DYSF: variants seen among roughly 807,000 people sequenced by gnomAD.
DYSF encodes the protein dystrophy-associated fer-1-like 1.
DYSF carries 212 observed loss-of-function variants against 274.9 expected under a neutral mutation model. The ratio of observed to expected loss-of-function variants is 0.77; its 90% CI spans 0.69 to 0.86. The LOEUF (loss-of-function observed/expected upper bound fraction) is 0.86. Ranked by LOEUF, DYSF falls within the 40% of genes least tolerant of loss-of-function variation. The pLI is 0.00. For missense variants in DYSF, 2,666 were observed against 2,783.2 expected (o/e 0.96, Z 0.95); for synonymous variants, 1,091 against 1,078.7 (o/e 1.01, Z -0.22).
chr2:71,568,152 C>T lies in DYSF; in HGVS notation c.2698-20C>T, dbSNP rs1191656033. The T allele has an allele frequency of 3.1e-6, 5 of 1,614,252 alleles. No homozygotes were observed. The highest frequency in any genetic ancestry group is 3.4e-6 in the Non-Finnish European group (4 of 1,180,038). On this transcript the variant is annotated intron_variant, in intron 25 of 55. Transcript: ENST00000410020. ...CTGCCTTGGCCCCCTGCTCACGCCT[C>T]ATTCTTCCTGGCCCTCCAGTATGAG...
chr2:71,494,618 C>A (rs1218661333), intron 3 of DYSF, among the ~76,000 whole-genome samples: 1 of 152,212 alleles, frequency 6.6e-6, no homozygotes, highest in African/African-American at 2.4e-5. Context: ...CACAGTGGTG[C>A]TGGCATAACC....
chr2:71,554,428 C>T (rs1043961848), intron 21 of DYSF, among the ~76,000 whole-genome samples: 1 of 152,136 alleles, frequency 6.6e-6, no homozygotes, highest in African/African-American at 2.4e-5. Context: ...GTACAGGTGA[C>T]ATTCCAGGGG....
chr2:71,548,878 A>G (rs2090699119), intron 17 of DYSF, among the ~76,000 whole-genome samples: 1 of 152,188 alleles, frequency 6.6e-6, no homozygotes, highest in Non-Finnish European at 1.5e-5. Context: ...CCTGGTCCCA[A>G]GCACGACCTG....
At chr2:71,631,845 G>A (rs577822591) in intron 41 of DYSF, among the ~76,000 whole-genome samples, 1 of 151,976 alleles carries the variant, frequency 6.6e-6, no homozygotes, top group Admixed American at 6.5e-5. Flanking sequence ...CTCCTCCCTC[G>A]CTGCACACTG....
intron 3 of DYSF, among the ~76,000 whole-genome samples, chr2:71,489,366 G>T (rs2083623163): frequency 6.6e-6 from 1 of 152,204 alleles, no homozygotes; most frequent in Non-Finnish European, 1.5e-5. Flanking sequence ...GGAATCGGCG[G>T]GATGCTGCTT....
chr2:71,545,282 C>T (rs187534635), intron 17 of DYSF, among the ~76,000 whole-genome samples: 1 of 152,218 alleles, frequency 6.6e-6, no homozygotes, highest in Non-Finnish European at 1.5e-5. Context: ...TTCAAGTACA[C>T]GCAAAGGTAG....
chr2:71,530,487 G>T (rs2088560459), intron 14 of DYSF, among the ~76,000 whole-genome samples: 1 of 152,130 alleles, frequency 6.6e-6, no homozygotes, highest in Non-Finnish European at 1.5e-5. Flanking sequence ...ATTTCTTTAG[G>T]AAGGTACCAG....
At chr2:71,573,379 G>A (rs554797806) in intron 29 of DYSF, among the ~76,000 whole-genome samples, 23 of 152,320 alleles carry the variant, frequency 1.5e-4, no homozygotes, top group South Asian at 1.2e-3. Flanking sequence ...TGGCCTCCAG[G>A]ACTGGCCCTT....
chr2:71,620,822 A>AC (rs2094079269), intron 41 of DYSF, among the ~76,000 whole-genome samples: 1 of 151,980 alleles, frequency 6.6e-6, no homozygotes. Context: ...CCCCTAGGTT[A>AC]CTTCCTGGGA....
intron 3 of DYSF, among the ~76,000 whole-genome samples, chr2:71,493,400 A>G (rs2084051808): frequency 6.6e-6 from 1 of 152,172 alleles, no homozygotes; most frequent in Non-Finnish European, 1.5e-5. Flanking sequence ...ACAGTTTTGA[A>G]TAATATAGTA....
chr2:71,535,988 C>T (rs958283508), intron 16 of DYSF, among the ~76,000 whole-genome samples: 8 of 152,168 alleles, frequency 5.3e-5, no homozygotes, highest in Non-Finnish European at 8.8e-5. Context: ...GTGACCTGCC[C>T]GAGCTGACAG....
At chr2:71,647,796 A>T (rs1013977183) in intron 42 of DYSF, among the ~76,000 whole-genome samples, 1 of 152,244 alleles carries the variant, frequency 6.6e-6, no homozygotes, top group Non-Finnish European at 1.5e-5. Context: ...TATTCTCTTT[A>T]CTTTTGTGTG....
chr2:71,623,417 T>A (rs1228405943), intron 41 of DYSF, among the ~76,000 whole-genome samples: 1 of 148,772 alleles, frequency 6.7e-6, no homozygotes, highest in African/African-American at 2.5e-5. Context: ...TGAGCGAGAA[T>A]ATGCGGTGTT....
intron 16 of DYSF, 118 bp from the exon 17 acceptor site, chr2:71,539,039 G>T: frequency 1.2e-6 from 1 of 837,852 alleles, no homozygotes; most frequent in Non-Finnish European, 2.0e-6. Context: ...GACCAGAAGC[G>T]CTCTCTGCCT....
rs74263952 is a variant in DYSF at position 71,622,130 on chromosome 2, G to GTTTTTTTTTTTTTTTTTTT, written c.4527+1537_4527+1538insTTTTTTTTTTTTTTTTTTT. ...ATATGTCCATTCAGATGATTTCTTTGTTTTTTTTTTTTTTTTGTTACGCCC... is the reference window on the plus strand; with the variant it reads ...ATATGTCCATTCAGATGATTTCTTTGTTTTTTTTTTTTTTTTTTTTTTTTTTTTTTTTTTTGTTACGCCC... On this transcript the variant is annotated intron_variant, in intron 41 of 55. Coordinates refer to ENST00000410020, the MANE Select transcript of DYSF (RefSeq NM_001130987.2). 1.6e-3 allele frequency among the ~76,000 whole-genome samples: 152 copies of GTTTTTTTTTTTTTTTTTTT among 96,996 alleles called. 8 individuals carry two copies. Among genetic ancestry groups the GTTTTTTTTTTTTTTTTTTT allele is most frequent in the African/African-American group, 2.2e-3 (56 of 25,536 alleles). 63.6% of individuals were successfully genotyped at this position (96,996 alleles called of 152,430 possible).
At chr2:71,567,608 T>C (rs769261596) in intron 24 of DYSF, among the ~76,000 whole-genome samples, 3 of 152,188 alleles carry the variant, frequency 2.0e-5, no homozygotes, top group Non-Finnish European at 4.4e-5. Flanking sequence ...TGGCAAGCAC[T>C]GTTCCAGAAG....
chr2:71,601,453 C>T, intron 34 of DYSF, 46 bp from the exon 35 acceptor site: 1 of 1,613,714 alleles, frequency 6.2e-7, no homozygotes, highest in Non-Finnish European at 8.5e-7. Context: ...TGATGGGGGC[C>T]TTAGGTGACA....
At chr2:71,683,002 AG>A (rs2095314776) in intron 55 of DYSF, among the ~76,000 whole-genome samples, 1 of 152,168 alleles carries the variant, frequency 6.6e-6, no homozygotes. Flanking sequence ...TGCGGTGGGC[AG>A]GGGGACTTTC....
rs1242861476 is a variant in DYSF at position 71,466,933 on chromosome 2, G to A, written c.91G>A (p.Gly31Arg). Residue 31 changes from glycine (G) to arginine (R), a missense_variant and splice_region_variant, in exon 1 of 56, where the codon GGG becomes AGG. Physicochemically the swap from Gly to Arg is moderately radical, Grantham distance 125. This residue lies in a region of DYSF where 794 missense variants were observed against 777.1 expected (regional missense o/e 1.02). Coordinates refer to ENST00000410020, the MANE Select transcript of DYSF (RefSeq NM_001130987.2). The stretch of plus-strand genomic sequence containing the variant: ...CCCTGTCGCAAGCCTGACTTTCCGA[G>A]GTGAGAGCCCCGTGGCTGCCGCGCC... ...SDPVASLTFR[G>R]VKKRTKVIKN... is the part of the protein sequence containing the mutation. 4 of 1,549,830 alleles carry A rather than the reference G, an allele frequency of 2.6e-6. No homozygotes were observed. The highest frequency in any genetic ancestry group is 2.7e-5 in the African/African-American group (2 of 73,044).
Sources: allele counts gnomAD v4.1 joint callset (sites outside exome capture counted in the v4.1 genomes callset), GRCh38; gene constraint gnomAD v4.1.1; regional missense constraint gnomAD v4.1.1; transcripts MANE v1.5; gene names NCBI Gene and HGNC (gene_info 2026-07-23, HGNC 2026-07-21).